Variants in CCDC63 observed in about 807,000 individuals in gnomAD.
The protein encoded by CCDC63 is coiled-coil domain-containing protein 63.
A neutral mutation model predicts 63.6 loss-of-function variants in CCDC63; 54 were observed. The ratio of observed to expected loss-of-function variants is 0.85; its 90% CI spans 0.68 to 1.07. The LOEUF (loss-of-function observed/expected upper bound fraction) is 1.07, where lower values mean the gene tolerates loss of function less well. Among genes scored for constraint, CCDC63 ranks in the 50% least tolerant of loss-of-function variants. The probability of loss-of-function intolerance (pLI) is 0.00; values close to 1 mark genes in which losing one functional copy is unlikely to be tolerated. For synonymous variants in CCDC63, 253 were observed against 266.1 expected (o/e 0.95, Z 0.48); for missense variants, 637 against 689.6 (o/e 0.92, Z 0.86).
chr12:110,894,147 G>A (rs1353389236), intron 9 of CCDC63, among the ~76,000 whole-genome samples: 1 of 152,108 alleles, frequency 6.6e-6, no homozygotes, highest in African/African-American at 2.4e-5. Flanking sequence ...TTGCATCGTA[G>A]CTGCCATAGA....
In CCDC63 at chr12:110,853,399, C is replaced by T. The variant is rs764376315; in HGVS notation, c.10-6C>T. ...ACGGCCTCCCACTCCTCTCCATCTC[C>T]CCCAGTTGAAGAAGAACAGGAGAAA... On this transcript the variant is annotated splice_polypyrimidine_tract_variant and splice_region_variant and intron_variant, in intron 2 of 11. Coordinates refer to ENST00000308208, the MANE Select transcript of CCDC63 (RefSeq NM_152591.3). 6.2e-7 allele frequency: 1 copy of T among 1,607,158 alleles called. No homozygotes were observed. Among genetic ancestry groups the T allele is most frequent in the South Asian group, 1.1e-5 (1 of 90,150 alleles).
intron 4 of CCDC63, among the ~76,000 whole-genome samples, chr12:110,872,445 A>T (rs2136681711): frequency 6.6e-6 from 1 of 152,340 alleles, no homozygotes; most frequent in Admixed American, 6.5e-5. Context: ...AACTCGAAGA[A>T]CATGATTCAG....
chr12:110,896,973 G>A (rs2071422770), intron 9 of CCDC63, among the ~76,000 whole-genome samples: 1 of 152,136 alleles, frequency 6.6e-6, no homozygotes, highest in Non-Finnish European at 1.5e-5. Context: ...AAGTTCCCAG[G>A]TGAAGCTGAT....
intron 4 of CCDC63, among the ~76,000 whole-genome samples, chr12:110,861,983 TTCG>T (rs2070860256): frequency 6.6e-6 from 1 of 152,106 alleles, no homozygotes; most frequent in African/African-American, 2.4e-5. Flanking sequence ...TGACGCCCCC[TTCG>T]TGGCTTGTTT....
chr12:110,876,642 C>T (rs552101169), intron 5 of CCDC63, among the ~76,000 whole-genome samples: 2 of 152,136 alleles, frequency 1.3e-5, no homozygotes. Flanking sequence ...AAATTAAATC[C>T]CCTTGCTGTT....
chr12:110,888,231 C>A (rs2071310053), intron 8 of CCDC63, among the ~76,000 whole-genome samples: 1 of 152,096 alleles, frequency 6.6e-6, no homozygotes, highest in African/African-American at 2.4e-5. Context: ...AAGGTCTTTG[C>A]GGGCAGGCCT....
At chr12:110,866,464 GGCCTTCC>G (rs1384171709) in intron 4 of CCDC63, among the ~76,000 whole-genome samples, 3 of 144,998 alleles carry the variant, frequency 2.1e-5, no homozygotes, top group Admixed American at 7.0e-5. Context: ...AGGACCCTGC[GGCCTTCC>G]GCAGTGTTTG....
intron 4 of CCDC63, among the ~76,000 whole-genome samples, chr12:110,871,861 A>G (rs11612523): frequency 0.072 from 11,031 of 152,194 alleles, 459 homozygotes; most frequent in East Asian, 0.15. Flanking sequence ...AATTGCATCT[A>G]AATCACCTCT....
chr12:110,859,379 T>C (rs1369082322), intron 4 of CCDC63, among the ~76,000 whole-genome samples: 1 of 152,020 alleles, frequency 6.6e-6, no homozygotes, highest in Non-Finnish European at 1.5e-5. Flanking sequence ...CAATCTTGGC[T>C]CACTGCAACC....
chr12:110,888,324 CA>C (rs1488403011), intron 8 of CCDC63, among the ~76,000 whole-genome samples: 2 of 152,210 alleles, frequency 1.3e-5, no homozygotes, highest in Non-Finnish European at 2.9e-5. Flanking sequence ...ATGAGGACCC[CA>C]GCTGAATATC....
chr12:110,872,324 C>G (rs2071078059), intron 4 of CCDC63, among the ~76,000 whole-genome samples: 1 of 152,202 alleles, frequency 6.6e-6, no homozygotes, highest in Non-Finnish European at 1.5e-5. Flanking sequence ...TGACCAAGGG[C>G]TGGAGTTTGC....
In CCDC63 at chr12:110,873,948, C is replaced by A. The variant is rs758717569; in HGVS notation, c.476C>A (p.Thr159Asn). ...CAGAAACAGATTCACATTTTGGAAACCCGTTTGAATCTCGTATGTAAAGTG... is the reference window on the plus strand; with the variant it reads ...CAGAAACAGATTCACATTTTGGAAAACCGTTTGAATCTCGTATGTAAAGTG... ...KLQKQIHILE[T>N]RLNLVTVHFD... The change falls in exon 5 of 12, where the codon ACC becomes AAC. Residue 159 changes from threonine (T) to asparagine (N), a missense_variant. By Grantham distance (65) the Thr-to-Asn change is moderately conservative (BLOSUM62 0). Transcript: ENST00000308208. 1.7e-5 allele frequency: 27 copies of A among 1,611,422 alleles called. No individual in the cohort carries two copies. Among genetic ancestry groups the A allele is most frequent in the Non-Finnish European group, 2.2e-5 (26 of 1,179,114 alleles).
At chr12:110,867,101 G>A (rs1166883211) in intron 4 of CCDC63, among the ~76,000 whole-genome samples, 1 of 141,812 alleles carries the variant, frequency 7.1e-6, no homozygotes, top group Non-Finnish European at 1.6e-5. Context: ...CCTCCCAGAC[G>A]GGGCGGCTGG....
At chr12:110,876,040 A>G (rs1488621630) in intron 5 of CCDC63, among the ~76,000 whole-genome samples, 1 of 149,120 alleles carries the variant, frequency 6.7e-6, no homozygotes, top group African/African-American at 2.5e-5. Context: ...TAGGAGGCGG[A>G]GTTTGCAGTG....
chr12:110,875,116 G>C (rs1811479144), intron 5 of CCDC63, among the ~76,000 whole-genome samples: 1 of 152,172 alleles, frequency 6.6e-6, no homozygotes, highest in Non-Finnish European at 1.5e-5. Context: ...TCTGATCTCT[G>C]TCTGCCTCCC....
chr12:110,905,132 G>A (rs1195428129), intron 11 of CCDC63, among the ~76,000 whole-genome samples: 1 of 152,074 alleles, frequency 6.6e-6, no homozygotes, highest in Non-Finnish European at 1.5e-5. Flanking sequence ...AGTAAACAGA[G>A]TTCCCAGACT....
chr12:110,904,154 A>G (rs2071527058), intron 10 of CCDC63, among the ~76,000 whole-genome samples: 1 of 152,066 alleles, frequency 6.6e-6, no homozygotes, highest in Non-Finnish European at 1.5e-5. Flanking sequence ...CTAGGAGTTC[A>G]AGATCAGCCA....
chr12:110,846,343 T>C (rs1401788347), upstream of CCDC63, among the ~76,000 whole-genome samples: 2 of 152,204 alleles, frequency 1.3e-5, no homozygotes, highest in Admixed American at 6.5e-5. Context: ...GGGCCGATTG[T>C]ATGAAAAATG....
rs1245389637 is a variant in CCDC63 at position 110,893,083 on chromosome 12, T to A, written c.1082T>A (p.Ile361Asn). ...TTGTTCTCTCCCGAGCAGGACGAGA[T>A]CATCCTCTTGCGATCCCAGCAGAAA... ...HKRTQRIQDE[I>N]ILLRSQQKLS... is the part of the protein sequence containing the mutation. The change falls in exon 9 of 12, where the codon ATC (isoleucine) becomes AAC (asparagine). Residue 361 changes from isoleucine to asparagine, a missense_variant. Ile to Asn is a moderately radical substitution (Grantham distance 149). Coordinates refer to ENST00000308208, the MANE Select transcript of CCDC63 (RefSeq NM_152591.3). 2 of 1,613,990 alleles carry A rather than the reference T, an allele frequency of 1.2e-6. No individual in the cohort carries two copies. Among genetic ancestry groups the A allele is most frequent in the Admixed American group, 3.3e-5 (2 of 59,990 alleles).
Sources: gnomAD v4.1 joint callset for allele counts (sites outside exome capture counted in the v4.1 genomes callset) on GRCh38, gnomAD v4.1.1 for gene constraint, MANE v1.5 for transcripts, NCBI Gene and HGNC (gene_info 2026-07-23, HGNC 2026-07-21) for gene names.